Variants in KANK1 observed in about 807,000 individuals in gnomAD.
KANK1 encodes the protein KN motif and ankyrin repeat domains 1.
KANK1 carries 109 observed loss-of-function variants against 106.2 expected under a neutral mutation model. The observed-to-expected ratio is 1.03, with a 90% CI of 0.88 to 1.20. The LOEUF is 1.20. Ranked by LOEUF, KANK1 falls within the 50% of genes most tolerant of loss-of-function variation. KANK1 has a pLI of 0.00. For missense variants in KANK1, 2,399 were observed against 1,710.7 expected (o/e 1.40, Z -7.10); for synonymous variants, 873 against 652.2 (o/e 1.34, Z -5.16).
At position 657,048 on chromosome 9, in the gene KANK1, G is replaced by T. The variant is rs550343990; in HGVS notation, c.-83-19842G>T. ...TCATCAAACAACTCTGTTTCCCCCT[G>T]TGCCAGCCGCTGGCACCAACCTTTC... On this transcript the variant is annotated intron_variant, in intron 1 of 11. Transcript: ENST00000382297. 4.0e-5 allele frequency among the ~76,000 whole-genome samples: 6 copies of T among 151,708 alleles called. No homozygotes were observed. The South Asian group carries it at 1.0e-3, about 26-fold the overall frequency.
Position 689,309 on chromosome 9 carries a change from CTT to C in KANK1, c.37+12304_37+12305del, listed in dbSNP as rs780801120. Among the ~76,000 whole-genome samples the C allele has an allele frequency of 4.6e-5, 7 of 152,124 alleles. No homozygotes were observed. In the East Asian group the frequency reaches 5.8e-4, roughly 13 times the overall value. On this transcript the variant is annotated intron_variant, in intron 2 of 11. Transcript: ENST00000382297. ...GAATAAAGGATAAGAAGACAGAAGA[CTT>C]TTTATTTTTCTTGTCTTTTAAGGTA...
intron 1 of KANK1, among the ~76,000 whole-genome samples, chr9:550,442 A>C (rs2061208878): frequency 1.3e-5 from 2 of 152,216 alleles, no homozygotes; most frequent in African/African-American, 4.8e-5. Context: ...AGAACAGATA[A>C]GGTATCTTAT....
chr9:745,234 G>C lies in KANK1; in HGVS notation c.4058G>C (p.Ter1353SerextTer13). 2 of 1,614,106 alleles carry C rather than the reference G, an allele frequency of 1.2e-6. No homozygotes were observed. The highest frequency in any genetic ancestry group is 1.7e-6 in the Non-Finnish European group (2 of 1,179,986). The change falls in exon 12 of 12, where the codon TGA becomes TCA. Residue 1353 changes from the stop codon to serine, a stop_lost. Transcript: ENST00000382297. ...CCCACCCACCGAGGTTCATTTGATT[G>C]ATTGTATGCAAATAGCCCTTTATTT... ...PGPTHRGSFD[*>S]
At chr9:636,184 G>C (rs1837095323) in intron 1 of KANK1, among the ~76,000 whole-genome samples, 1 of 152,126 alleles carries the variant, frequency 6.6e-6, no homozygotes, top group Non-Finnish European at 1.5e-5. Flanking sequence ...GGGTGTTTTT[G>C]TAAAAGTTCT....
rs980203607 is a variant in KANK1, at chr9:621,123, C to G, written c.-83-55767C>G. On this transcript the variant is annotated intron_variant, in intron 1 of 11. Coordinates refer to ENST00000382297, the MANE Select transcript of KANK1 (RefSeq NM_015158.5). ...TCTTCTCTGTTTTCAGGCTCCTTTC[C>G]TGACCCTTTGGAGAACCTAATATAT... 2.0e-4 allele frequency among the ~76,000 whole-genome samples: 30 copies of G among 152,284 alleles called. 1 individual carries two copies. Among genetic ancestry groups the G allele is most frequent in the African/African-American group, 7.2e-4 (30 of 41,538 alleles).
chr9:727,828 T>C (rs1050729107), intron 3 of KANK1, among the ~76,000 whole-genome samples: 2 of 152,154 alleles, frequency 1.3e-5, no homozygotes, highest in South Asian at 2.1e-4. Flanking sequence ...ATCACCCACA[T>C]TGAAAATTCT....
intron 1 of KANK1, among the ~76,000 whole-genome samples, chr9:626,158 T>C (rs574237365): frequency 6.2e-4 from 94 of 152,256 alleles, no homozygotes; most frequent in African/African-American, 2.2e-3. Context: ...TTTAAGTATT[T>C]TATGTACTGT....
chr9:707,506 G>A (rs1308208633), intron 2 of KANK1, among the ~76,000 whole-genome samples: 1 of 146,550 alleles, frequency 6.8e-6, no homozygotes, highest in African/African-American at 2.5e-5. Context: ...GGCTGCTGCA[G>A]CTTCTCTCCT....
At chr9:505,289 T>A (rs561152495) in intron 1 of KANK1, among the ~76,000 whole-genome samples, 1 of 151,956 alleles carries the variant, frequency 6.6e-6, no homozygotes, top group East Asian at 1.9e-4. Context: ...GAGGGGCAGG[T>A]GGCCTCGGGT....
rs202134461 is a variant in KANK1 at position 710,819 on chromosome 9, T to G, written c.53T>G (p.Ile18Ser). 11 of 1,588,834 alleles carry G rather than the reference T, an allele frequency of 6.9e-6. No homozygotes were observed. The East Asian group carries it at 2.5e-4, about 36-fold the overall frequency. Residue 18 changes from isoleucine (I) to serine (S), a missense_variant, in exon 3 of 12, where the codon ATT becomes AGT. Coordinates refer to ENST00000382297, the MANE Select transcript of KANK1 (RefSeq NM_015158.5). The stretch of plus-strand genomic sequence containing the variant: ...CCTCTTCTAGGAAAAGCAGGTGATA[T>G]TCTCAGTGGAGACCAGGACAAGGAA... ...NGSASGKAGD[I>S]LSGDQDKEQK... is the part of the protein sequence containing the mutation.
intron 1 of KANK1, among the ~76,000 whole-genome samples, chr9:526,458 A>G (rs1408938240): frequency 2.0e-5 from 3 of 151,752 alleles, no homozygotes; most frequent in Non-Finnish European, 2.9e-5. Flanking sequence ...CGTGCCTGTA[A>G]TCCCAACACT....
chr9:695,645 G>C (rs1168156585), intron 2 of KANK1, among the ~76,000 whole-genome samples: 1 of 151,772 alleles, frequency 6.6e-6, no homozygotes, highest in Non-Finnish European at 1.5e-5. Flanking sequence ...GAAGGGTTCT[G>C]GATCCTCTCT....
At chr9:705,315 A>G (rs944517962) in intron 2 of KANK1, among the ~76,000 whole-genome samples, 27 of 151,882 alleles carry the variant, frequency 1.8e-4, no homozygotes, top group African/African-American at 2.9e-4. Flanking sequence ...GTGAAACCCC[A>G]TCTCTACTAA....
At chr9:483,894 T>TA (rs2058248722) in intron 3 of KANK1, among the ~76,000 whole-genome samples, 1 of 151,970 alleles carries the variant, frequency 6.6e-6, no homozygotes, top group Admixed American at 6.6e-5. Flanking sequence ...CAGGGCTATT[T>TA]AAAAAAAGGG....
intron 1 of KANK1, among the ~76,000 whole-genome samples, chr9:625,856 C>T (rs577924660): frequency 6.6e-6 from 1 of 152,246 alleles, no homozygotes; most frequent in South Asian, 2.1e-4. Flanking sequence ...GCCCATATCT[C>T]TCACCACTCG....
At chr9:549,263 C>A (rs2061127150) in intron 1 of KANK1, 1 of 152,568 alleles carries the variant, frequency 6.6e-6, no homozygotes, top group Non-Finnish European at 1.5e-5. Context: ...CCGCTGACTT[C>A]CTGTAGTGGA....
intron 1 of KANK1, among the ~76,000 whole-genome samples, chr9:566,706 GT>G (rs1413449573): frequency 6.6e-6 from 1 of 151,924 alleles, no homozygotes; most frequent in African/African-American, 2.4e-5. Context: ...TAATGGAGTT[GT>G]TTTTTTCTTA....
At chr9:514,107 CCTCTCTTCCTCCCTCT>C (rs2059154102) in intron 1 of KANK1, among the ~76,000 whole-genome samples, 1 of 144,886 alleles carries the variant, frequency 6.9e-6, no homozygotes, top group African/African-American at 2.7e-5. Flanking sequence ...TTACTCCCTC[CCTCTCTTCCTCCCTCT>C]CTCTCTCCCT....
At chr9:600,782 C>T (rs773291517) in intron 1 of KANK1, among the ~76,000 whole-genome samples, 1 of 151,848 alleles carries the variant, frequency 6.6e-6, no homozygotes. Context: ...TTGACAGATT[C>T]TGTGAATACC....
Sources: allele counts gnomAD v4.1 joint callset (sites outside exome capture counted in the v4.1 genomes callset), GRCh38; gene constraint gnomAD v4.1.1; transcripts MANE v1.5; gene names NCBI Gene and HGNC (gene_info 2026-07-23, HGNC 2026-07-21).